The following DFFB variants were observed in gnomAD, a reference collection of about 807,000 sequenced individuals.
DFFB encodes DNA fragmentation factor subunit beta, also known as DNA fragmentation factor 40 kDa subunit.
Under a neutral mutation model 32.7 loss-of-function variants are expected in DFFB, and 29 were observed. That is an observed-to-expected ratio of 0.89 (90% CI 0.66 to 1.21). DFFB has a LOEUF of 1.21. DFFB is among the 50% of genes most tolerant of loss of function. The probability of loss-of-function intolerance (pLI) is 0.00; values close to 1 mark genes in which losing one functional copy is unlikely to be tolerated. For synonymous variants in DFFB, 170 were observed against 177.1 expected (o/e 0.96, Z 0.32); for missense variants, 398 against 440.6 (o/e 0.90, Z 0.87).
At position 3,868,654 on chromosome 1, in the gene DFFB, ACCAGG is replaced by A. The variant is rs1345069586; in HGVS notation, c.510+605_510+609del. On this transcript the variant is annotated intron_variant, in intron 4 of 6. Coordinates refer to ENST00000378209, the MANE Select transcript of DFFB (RefSeq NM_004402.4). The stretch of plus-strand genomic sequence containing the variant: ...GCCACACCACACCAAGCCACACCAC[ACCAGG>A]CCACACCACACCACACCACGCCACA... 1.4e-3 allele frequency among the ~76,000 whole-genome samples: 58 copies of A among 41,582 alleles called. 5 individuals carry two copies. The highest frequency in any genetic ancestry group is 2.4e-3 in the South Asian group (4 of 1,664). The allele number at this position is 41,582 out of a possible 152,430, so 27.3% of individuals were successfully genotyped here.
In DFFB at chr1:3,872,555, C is replaced by A. The variant is rs368137137; in HGVS notation, c.765C>A (p.Thr255=). 9.2e-5 allele frequency: 149 copies of A among 1,613,618 alleles called. No homozygotes were observed. The highest frequency in any genetic ancestry group is 1.2e-4 in the Non-Finnish European group (138 of 1,179,936). Residue 255 remains threonine, a synonymous_variant, in exon 6 of 7, where the codon ACC becomes ACA. Coordinates refer to ENST00000378209, the MANE Select transcript of DFFB (RefSeq NM_004402.4). ...SNRESRILFS[T]WNLDHIIEKK... Reference sequence around the variant, plus strand: ...GGGAGAGCAGGATCCTCTTCAGCACCTGGAACCTGGATCACATGTAAGCTC... The same window carrying A: ...GGGAGAGCAGGATCCTCTTCAGCACATGGAACCTGGATCACATGTAAGCTC...
At chr1:3,861,218 GC>G (rs1375865393) in intron 2 of DFFB, among the ~76,000 whole-genome samples, 6 of 151,532 alleles carry the variant, frequency 4.0e-5, no homozygotes, top group Admixed American at 2.0e-4. Context: ...TTTGAGATGA[GC>G]CTTTTTCACT....
rs770497534 is a variant in DFFB, at chr1:3,883,615, G to C, written c.891G>C (p.Glu297Asp). 5 of 1,614,006 alleles carry C rather than the reference G, an allele frequency of 3.1e-6. No individual in the cohort carries two copies. Among genetic ancestry groups the C allele is most frequent in the Non-Finnish European group, 4.2e-6 (5 of 1,180,032 alleles). ...TTTATGGCCTGCTTTTTACCTCAGA[G>C]AACCTAAAACTAGTGCACATTGTCT... ...EYFYGLLFTS[E>D]NLKLVHIVCH... Residue 297 changes from glutamate to aspartate, a missense_variant, in exon 7 of 7, where the codon GAG (glutamate) becomes GAC (aspartate). Physicochemically the swap from Glu to Asp is conservative, Grantham distance 45. Transcript: ENST00000378209.
chr1:3,865,749 G>T lies in DFFB; in HGVS notation c.242-63G>T, dbSNP rs765605743. On this transcript the variant is annotated intron_variant, in intron 2 of 6. Transcript: ENST00000378209. The surrounding 1 kb of genome is among the most constrained non-coding windows in gnomAD (Gnocchi z 4.7). Reference sequence around the variant, plus strand: ...GAAGATGTGGTCAGAGGCTCTTCTTGTGACCGGGGCAGGATGTGTCTTCTG... The same window carrying T: ...GAAGATGTGGTCAGAGGCTCTTCTTTTGACCGGGGCAGGATGTGTCTTCTG... The T allele has an allele frequency of 6.8e-6, 11 of 1,613,640 alleles. No homozygotes were observed. The highest frequency in any genetic ancestry group is 7.6e-6 in the Non-Finnish European group (9 of 1,179,710).
intron 5 of DFFB, among the ~76,000 whole-genome samples, chr1:3,871,166 G>T (rs1645105409): frequency 6.6e-6 from 1 of 152,366 alleles, no homozygotes; most frequent in East Asian, 1.9e-4. Flanking sequence ...TGAGGTGGGG[G>T]TGCTGGTGTG....
intron 2 of DFFB, among the ~76,000 whole-genome samples, chr1:3,863,628 CTT>C (rs945542936): frequency 1.5e-4 from 23 of 152,140 alleles, no homozygotes; most frequent in African/African-American, 5.3e-4. Flanking sequence ...ATGATGAACA[CTT>C]GGATCAATAG....
At chr1:3,872,653 C>CTGTCCCTGCCGCGGCCG in intron 6 of DFFB, 81 bp downstream of exon 6, 1 of 1,263,786 alleles carries the variant, frequency 7.9e-7, no homozygotes, top group Non-Finnish European at 1.1e-6. Flanking sequence ...TGCCATGGCC[C>CTGTCCCTGCCGCGGCCG]TGTCCCTGCC....
At chr1:3,880,364 C>T (rs577935173) in intron 6 of DFFB, among the ~76,000 whole-genome samples, 57 of 152,336 alleles carry the variant, frequency 3.7e-4, no homozygotes, top group African/African-American at 1.3e-3. Flanking sequence ...GGCTGATTTT[C>T]ATCTGCAGCT....
intron 3 of DFFB, chr1:3,866,322 T>C: frequency 2.3e-6 from 1 of 426,710 alleles, no homozygotes; most frequent in Admixed American, 2.7e-5. Context: ...CACCGCAACC[T>C]CTGCCTCCCT....
chr1:3,867,475 G>A (rs994028109), intron 3 of DFFB, among the ~76,000 whole-genome samples: 6 of 152,258 alleles, frequency 3.9e-5, no homozygotes, highest in Non-Finnish European at 7.3e-5. Flanking sequence ...CCAGGCAGAA[G>A]CTCCTTGGTG....
chr1:3,859,267 G>A (rs1445298470), intron 2 of DFFB, among the ~76,000 whole-genome samples: 1 of 152,074 alleles, frequency 6.6e-6, no homozygotes, highest in East Asian at 1.9e-4. Context: ...CTCTCACATT[G>A]TTCTCGGTTG....
intron 5 of DFFB, among the ~76,000 whole-genome samples, chr1:3,872,210 C>G (rs1444141372): frequency 1.3e-5 from 2 of 152,164 alleles, no homozygotes; most frequent in Non-Finnish European, 2.9e-5. Flanking sequence ...GTCAAGAGAT[C>G]GAGACCATCC....
intron 3 of DFFB, 107 bp downstream of exon 3, chr1:3,866,107 G>T: frequency 2.3e-6 from 2 of 887,684 alleles, no homozygotes; most frequent in Non-Finnish European, 1.7e-6. Context: ...CTGTACCCTC[G>T]TGGGTTGAGG....
chr1:3,862,231 T>G (rs1333583170), intron 2 of DFFB, among the ~76,000 whole-genome samples: 4 of 152,214 alleles, frequency 2.6e-5, no homozygotes, highest in Non-Finnish European at 5.9e-5. Flanking sequence ...AATAAATGGA[T>G]TAACATCCCA....
chr1:3,874,806 T>A (rs1170251616), intron 6 of DFFB, among the ~76,000 whole-genome samples: 1 of 133,408 alleles, frequency 7.5e-6, no homozygotes, highest in African/African-American at 2.8e-5. Context: ...TGGCCTCCCA[T>A]GCTGTGGTCT....
At chr1:3,875,986 C>G (rs988096093) in intron 6 of DFFB, among the ~76,000 whole-genome samples, 1 of 152,094 alleles carries the variant, frequency 6.6e-6, no homozygotes, top group African/African-American at 2.4e-5. Context: ...GCCATGTTGG[C>G]CAGGCTGGTC....
At chr1:3,868,613 GACCACACCACACCA>G (rs1645033595) in intron 4 of DFFB, among the ~76,000 whole-genome samples, 1 of 50,272 alleles carries the variant, frequency 2.0e-5, no homozygotes, top group African/African-American at 8.6e-5. Context: ...CACCATACCA[GACCACACCACACCA>G]GGCCACACCA....
rs1644765642 is a variant in DFFB, at chr1:3,857,487, G to C, written c.-117G>C. ...TTTCCGGGATCGGCACCCGGCCTGT[G>C]CCAGCTTGCAGAGCTCACCAGGTGC... On this transcript the variant is annotated 5_prime_UTR_variant, in exon 1 of 7. Transcript: ENST00000378209. The C allele has an allele frequency of 1.6e-6, 1 of 643,076 alleles. No homozygotes were observed. Among genetic ancestry groups the C allele is most frequent in the Admixed American group, 4.2e-5 (1 of 24,086 alleles). 39.8% of individuals were successfully genotyped at this position (643,076 alleles called of 1,614,324 possible).
At position 3,869,738 on chromosome 1, in the gene DFFB, G is replaced by A. The variant is rs542622663; in HGVS notation, c.644G>A (p.Ser215Asn). The A allele has an allele frequency of 1.2e-5, 19 of 1,610,340 alleles. No individual in the cohort carries two copies. The African/African-American group carries it at 1.6e-4, about 14-fold the overall frequency. The change falls in exon 5 of 7, where the codon AGC (serine) becomes AAC (asparagine). Residue 215 changes from serine (S) to asparagine (N), a missense_variant. Physicochemically the swap from Ser to Asn is conservative, Grantham distance 46. Coordinates refer to ENST00000378209, the MANE Select transcript of DFFB (RefSeq NM_004402.4). ...SYFDRGAKGG[S>N]RLCTPEGWFS... ...TTCGACAGAGGAGCCAAGGGCGGCAGCCGCCTCTGCACACCGGAAGGCTGG... is the reference window on the plus strand; with the variant it reads ...TTCGACAGAGGAGCCAAGGGCGGCAACCGCCTCTGCACACCGGAAGGCTGG...
Sources: gnomAD v4.1 joint callset for allele counts (sites outside exome capture counted in the v4.1 genomes callset) on GRCh38, gnomAD v4.1.1 for gene constraint, Gnocchi (gnomAD v3.1) non-coding constraint, MANE v1.5 for transcripts, NCBI Gene and HGNC (gene_info 2026-07-23, HGNC 2026-07-21) for gene names.